Variants in DLGAP1 observed in about 807,000 individuals in gnomAD.
The protein encoded by DLGAP1 is disks large-associated protein 1.
In DLGAP1, 11 loss-of-function variants were observed where a neutral mutation model predicts 90.8. The ratio of observed to expected loss-of-function variants is 0.12; its 90% CI spans 0.08 to 0.20. DLGAP1 has a LOEUF of 0.20. DLGAP1 is among the 10% of genes least tolerant of loss of function. DLGAP1 has a pLI of 1.00. For missense variants in DLGAP1, 1,050 were observed against 1,333.8 expected, an observed-to-expected ratio of 0.79 and a Z score of 3.31; for synonymous variants, 558 against 540.7, an observed-to-expected ratio of 1.03 and a Z score of -0.44.
intron 7 of DLGAP1, among the ~76,000 whole-genome samples, chr18:3,650,045 T>C (rs912232542): frequency 4.6e-5 from 7 of 152,084 alleles, no homozygotes; most frequent in Non-Finnish European, 7.4e-5. Flanking sequence ...CTGTTTTTTG[T>C]TTTTTTATTT....
chr18:4,181,428 C>T (rs1163971044), intron 1 of DLGAP1, among the ~76,000 whole-genome samples: 1 of 152,126 alleles, frequency 6.6e-6, no homozygotes, highest in Non-Finnish European at 1.5e-5. Flanking sequence ...TTTAATTTCA[C>T]AGGTGGTTGA....
chr18:4,420,302 C>T (rs1338709778), intron 1 of DLGAP1, among the ~76,000 whole-genome samples: 1 of 152,096 alleles, frequency 6.6e-6, no homozygotes, highest in East Asian at 1.9e-4. Flanking sequence ...ATATAGAACA[C>T]CCGAGCAATA....
In DLGAP1 at chr18:3,711,070, G is replaced by A. The variant is rs1357366377; in HGVS notation, c.1591+18065C>T. Reference sequence around the variant, plus strand: ...AGAAGAGTCCAGAAACACGACAGAGGAAGTCAGAGAGCCAGGAGGGGCCGC... The same window carrying A: ...AGAAGAGTCCAGAAACACGACAGAGAAAGTCAGAGAGCCAGGAGGGGCCGC... On this transcript the variant is annotated intron_variant, in intron 7 of 12. Coordinates refer to ENST00000315677, the MANE Select transcript of DLGAP1 (RefSeq NM_004746.4). The surrounding 1 kb of genome is among the most constrained non-coding windows in gnomAD (Gnocchi z 4.0). Among the ~76,000 whole-genome samples the A allele has an allele frequency of 6.6e-6, 1 of 152,238 alleles. No individual in the cohort carries two copies. Among genetic ancestry groups the A allele is most frequent in the Non-Finnish European group, 1.5e-5 (1 of 68,042 alleles).
At chr18:3,509,166 A>T (rs950864254) in intron 10 of DLGAP1, among the ~76,000 whole-genome samples, 1 of 152,088 alleles carries the variant, frequency 6.6e-6, no homozygotes, top group Admixed American at 6.6e-5. Context: ...TATCCCATCC[A>T]CATCCTTTCT....
chr18:4,359,301 A>G (rs1375327497), intron 1 of DLGAP1, among the ~76,000 whole-genome samples: 1 of 152,186 alleles, frequency 6.6e-6, no homozygotes, highest in African/African-American at 2.4e-5. Context: ...TAATTTTCTG[A>G]TCTTCCGCTG....
At chr18:4,200,810 T>G (rs1158345661) in intron 1 of DLGAP1, among the ~76,000 whole-genome samples, 1 of 152,120 alleles carries the variant, frequency 6.6e-6, no homozygotes, top group East Asian at 1.9e-4. Context: ...AATTTCTACA[T>G]GTAAATATTT....
At chr18:4,435,154 GAAGT>G (rs1394518236) in intron 1 of DLGAP1, among the ~76,000 whole-genome samples, 1 of 152,198 alleles carries the variant, frequency 6.6e-6, no homozygotes, top group Admixed American at 6.5e-5. Context: ...CATGGAATGA[GAAGT>G]AAGGAGGCTC....
At position 3,904,523 on chromosome 18, in the gene DLGAP1, T is replaced by G. The variant is rs566868306; in HGVS notation, c.-72-24383A>C. Reference sequence around the variant, plus strand: ...ACCTAGTCCCGTCCCAGAGCCTAAGTCTATGGAGTTGAACTGTAACAGCAT... The same window carrying G: ...ACCTAGTCCCGTCCCAGAGCCTAAGGCTATGGAGTTGAACTGTAACAGCAT... On this transcript the variant is annotated intron_variant, in intron 3 of 12. Transcript: ENST00000315677. 7.2e-5 allele frequency among the ~76,000 whole-genome samples: 11 copies of G among 152,310 alleles called. No homozygotes were observed. The South Asian group carries it at 2.3e-3, about 32-fold the overall frequency.
At chr18:3,952,541 T>C (rs2148967441) in intron 3 of DLGAP1, among the ~76,000 whole-genome samples, 1 of 152,322 alleles carries the variant, frequency 6.6e-6, no homozygotes, top group East Asian at 1.9e-4. Flanking sequence ...GCCACAAACC[T>C]GTAGCCTCAG....
chr18:3,633,637 T>C (rs1599643090), intron 7 of DLGAP1, among the ~76,000 whole-genome samples: 1 of 152,242 alleles, frequency 6.6e-6, no homozygotes, highest in East Asian at 1.9e-4. Flanking sequence ...AAAATTTCAC[T>C]GAAATTGCAA....
At chr18:3,819,561 T>C (rs1270556515) in intron 4 of DLGAP1, among the ~76,000 whole-genome samples, 1 of 152,188 alleles carries the variant, frequency 6.6e-6, no homozygotes, top group Non-Finnish European at 1.5e-5. Flanking sequence ...ATTACATTTA[T>C]CATGTCATGA....
At chr18:3,704,443 G>A (rs1412756965) in intron 7 of DLGAP1, among the ~76,000 whole-genome samples, 1 of 151,944 alleles carries the variant, frequency 6.6e-6, no homozygotes, top group African/African-American at 2.4e-5. Context: ...GGTGGCAGGC[G>A]CCAGTAATCC....
intron 6 of DLGAP1, among the ~76,000 whole-genome samples, chr18:3,740,897 G>T (rs1347401285): frequency 9.3e-6 from 1 of 108,038 alleles, no homozygotes; most frequent in African/African-American, 3.7e-5. Context: ...AACCACCACT[G>T]CCACCCATTA....
chr18:3,846,564 T>A (rs1159274966), intron 4 of DLGAP1, among the ~76,000 whole-genome samples: 2 of 152,108 alleles, frequency 1.3e-5, no homozygotes, highest in Admixed American at 1.3e-4. Flanking sequence ...CACTAACTGA[T>A]GAAAGGATTA....
chr18:4,269,384 T>C lies in DLGAP1; in HGVS notation c.-266-118097A>G, dbSNP rs368988821. Among the ~76,000 whole-genome samples the C allele has an allele frequency of 1.2e-3, 172 of 148,264 alleles. 1 individual carries two copies. Among genetic ancestry groups the C allele is most frequent in the African/African-American group, 2.0e-3 (83 of 40,674 alleles). On this transcript the variant is annotated intron_variant, in intron 1 of 12. Coordinates refer to ENST00000315677, the MANE Select transcript of DLGAP1 (RefSeq NM_004746.4). ...TTTTTTTCTTTTTGAGACGGAGTCT[T>C]GCTCTGTCGCCCAGGCTGGAGTGCA...
chr18:3,770,329 T>C (rs1479593037), intron 5 of DLGAP1, among the ~76,000 whole-genome samples: 1 of 152,164 alleles, frequency 6.6e-6, no homozygotes, highest in Non-Finnish European at 1.5e-5. Context: ...TATTCTTCTC[T>C]GAGTCTCTAG....
At chr18:4,411,908 A>G (rs576707546) in intron 1 of DLGAP1, among the ~76,000 whole-genome samples, 1 of 152,218 alleles carries the variant, frequency 6.6e-6, no homozygotes, top group African/African-American at 2.4e-5. Context: ...CTTCTGCCAC[A>G]TTTGATTGAT....
chr18:3,880,304 C>T (rs1217809171), intron 3 of DLGAP1, among the ~76,000 whole-genome samples, 164 bp from the exon 4 acceptor site: 3 of 152,138 alleles, frequency 2.0e-5, no homozygotes, highest in Non-Finnish European at 4.4e-5. Flanking sequence ...CCACACCAGC[C>T]TCCCGAGTAG....
chr18:4,373,174 C>T (rs113248195), intron 1 of DLGAP1, among the ~76,000 whole-genome samples: 35 of 147,892 alleles, frequency 2.4e-4, no homozygotes, highest in African/African-American at 9.0e-4. Context: ...CAAGATCACT[C>T]TAATAATGAT....
Sources: allele counts gnomAD v4.1 joint callset (sites outside exome capture counted in the v4.1 genomes callset), GRCh38; gene constraint gnomAD v4.1.1; non-coding constraint Gnocchi (gnomAD v3.1); transcripts MANE v1.5; gene names NCBI Gene and HGNC (gene_info 2026-07-23, HGNC 2026-07-21).